The following RASGEF1C variants were observed in gnomAD, a reference collection of about 807,000 sequenced individuals.
RASGEF1C encodes ras-GEF domain-containing family member 1C.
A neutral mutation model predicts 58.1 loss-of-function variants in RASGEF1C; 27 were observed. That is an observed-to-expected ratio of 0.46 (90% confidence interval 0.34 to 0.64). RASGEF1C has a LOEUF of 0.64. Ranked by LOEUF, RASGEF1C falls within the 30% of genes least tolerant of loss-of-function variation. The pLI is 0.01. For missense variants in RASGEF1C, 502 were observed against 605.1 expected (o/e 0.83, Z 1.79); for synonymous variants, 243 against 246.3 (o/e 0.99, Z 0.13).
At chr5:180,105,494 G>A (rs555962998) in intron 12 of RASGEF1C, among the ~76,000 whole-genome samples, 159 of 152,006 alleles carry the variant, frequency 1.0e-3, no homozygotes, top group African/African-American at 3.6e-3. Context: ...CCCGGGAGGC[G>A]GAGGTTGCAG....
intron 1 of RASGEF1C, among the ~76,000 whole-genome samples, chr5:180,153,086 T>C (rs534280128): frequency 6.6e-6 from 1 of 152,230 alleles, no homozygotes; most frequent in South Asian, 2.1e-4. Flanking sequence ...AGTCCTTAAA[T>C]GCCTGGCTCC....
chr5:180,199,963 CAA>C (rs1756352987), intron 1 of RASGEF1C, among the ~76,000 whole-genome samples: 1 of 152,074 alleles, frequency 6.6e-6, no homozygotes, highest in Admixed American at 6.6e-5. Flanking sequence ...GCAAATGTTC[CAA>C]AGTGTTAAAA....
At chr5:180,161,617 G>A (rs1176387032) in intron 1 of RASGEF1C, among the ~76,000 whole-genome samples, 1 of 152,220 alleles carries the variant, frequency 6.6e-6, no homozygotes, top group African/African-American at 2.4e-5. Context: ...GGCGCTGCAG[G>A]ACGCCAGGCC....
At chr5:180,131,160 G>C (rs762302195) in intron 4 of RASGEF1C, among the ~76,000 whole-genome samples, 2 of 152,154 alleles carry the variant, frequency 1.3e-5, no homozygotes, top group Non-Finnish European at 2.9e-5. Flanking sequence ...CAGCCACAGA[G>C]GTCTGTTCAA....
At chr5:180,180,124 G>A (rs1193292662) in intron 1 of RASGEF1C, among the ~76,000 whole-genome samples, 1 of 152,190 alleles carries the variant, frequency 6.6e-6, no homozygotes, top group Admixed American at 6.5e-5. Context: ...GCTCTGGGGG[G>A]AAAGCCAGCA....
chr5:180,105,645 A>G (rs1765864047), intron 12 of RASGEF1C, among the ~76,000 whole-genome samples: 2 of 151,768 alleles, frequency 1.3e-5, no homozygotes, highest in South Asian at 4.1e-4. Flanking sequence ...AGGCTGGTGG[A>G]TCACTTGAGG....
chr5:180,133,885 T>G (rs1176751125), intron 4 of RASGEF1C, among the ~76,000 whole-genome samples: 1 of 152,242 alleles, frequency 6.6e-6, no homozygotes, highest in African/African-American at 2.4e-5. Context: ...AGCCCTCATT[T>G]AGTGAGTGCT....
intron 6 of RASGEF1C, among the ~76,000 whole-genome samples, chr5:180,124,654 A>G (rs1036116377): frequency 2.6e-5 from 4 of 151,636 alleles, no homozygotes; most frequent in South Asian, 2.1e-4. Context: ...GTGAAATCCT[A>G]TCTCTACTAA....
intron 1 of RASGEF1C, among the ~76,000 whole-genome samples, chr5:180,172,024 G>T (rs984528655): frequency 6.6e-6 from 1 of 152,232 alleles, no homozygotes; most frequent in East Asian, 1.9e-4. Flanking sequence ...GCCGACACCC[G>T]CAAGGAATCT....
chr5:180,160,839 G>T (rs941317406), intron 1 of RASGEF1C, among the ~76,000 whole-genome samples: 8 of 152,136 alleles, frequency 5.3e-5, no homozygotes, highest in Non-Finnish European at 1.2e-4. Flanking sequence ...TCCTACAAGT[G>T]CTCGAAGGCA....
rs115720117 is a variant in RASGEF1C at position 180,198,563 on chromosome 5, G to A, written c.-7+10465C>T. 4.9e-3 allele frequency among the ~76,000 whole-genome samples: 746 copies of A among 152,252 alleles called. 9 individuals carry two copies. Among genetic ancestry groups the A allele is most frequent in the African/African-American group, 0.017 (709 of 41,534 alleles). ...GCTCCACAGAGGGTGCCTCCCTCCT[G>A]CATCTTCACATGGGGGAAGGACAAC... On this transcript the variant is annotated intron_variant, in intron 1 of 13. Transcript: ENST00000361132. The surrounding 1 kb of genome is among the most constrained non-coding windows in gnomAD (Gnocchi z 4.5).
At chr5:180,174,418 G>C in intron 1 of RASGEF1C, among the ~76,000 whole-genome samples, 1 of 148,288 alleles carries the variant, frequency 6.7e-6, no homozygotes, top group Non-Finnish European at 1.5e-5. Context: ...GTGTGCGTGC[G>C]TGCATGTGCA....
intron 1 of RASGEF1C, among the ~76,000 whole-genome samples, chr5:180,192,805 C>T (rs899956968): frequency 4.6e-5 from 7 of 150,684 alleles, no homozygotes; most frequent in Middle Eastern, 3.2e-3. Context: ...AGTGCAGTGT[C>T]GCAATCTCGG....
rs529339995 is a variant in RASGEF1C at position 180,135,029 on chromosome 5, C to T, written c.438+1349G>A. ...CAGCCGGCCAGCCAGCACCCCATCC[C>T]GTTTCCGCTGTCCCCACCCCCCCCG... On this transcript the variant is annotated intron_variant, in intron 4 of 13. Coordinates refer to ENST00000361132, the MANE Select transcript of RASGEF1C (RefSeq NM_175062.4). Among the ~76,000 whole-genome samples the T allele has an allele frequency of 1.7e-3, 227 of 134,454 alleles. 1 individual carries two copies. The highest frequency in any genetic ancestry group is 5.6e-3 in the African/African-American group (212 of 37,904). 88.2% of individuals were successfully genotyped at this position (134,454 alleles called of 152,430 possible).
At chr5:180,182,352 T>C (rs900952520) in intron 1 of RASGEF1C, among the ~76,000 whole-genome samples, 1 of 151,944 alleles carries the variant, frequency 6.6e-6, no homozygotes, top group African/African-American at 2.4e-5. Flanking sequence ...CCGCGGACCT[T>C]CACGGTGAGT....
intron 6 of RASGEF1C, among the ~76,000 whole-genome samples, chr5:180,126,589 C>G (rs1300083208): frequency 6.6e-6 from 1 of 152,120 alleles, no homozygotes; most frequent in Non-Finnish European, 1.5e-5. Flanking sequence ...TTCCCTCTAC[C>G]GTTTTCTCTC....
At chr5:180,165,670 C>CAA (rs776185513) in intron 1 of RASGEF1C, among the ~76,000 whole-genome samples, 2 of 68,448 alleles carry the variant, frequency 2.9e-5, no homozygotes, top group African/African-American at 8.9e-5. Flanking sequence ...AACTCTGTCT[C>CAA]AAAAAAAAAA....
chr5:180,160,843 G>A (rs1766929515), intron 1 of RASGEF1C, among the ~76,000 whole-genome samples: 1 of 152,096 alleles, frequency 6.6e-6, no homozygotes, highest in Non-Finnish European at 1.5e-5. Context: ...ACAAGTGCTC[G>A]AAGGCACTTT....
intron 4 of RASGEF1C, among the ~76,000 whole-genome samples, chr5:180,131,071 C>G (rs13185022): frequency 0.98 from 148,430 of 152,122 alleles, 72,511 homozygotes; most frequent in East Asian, 1. Context: ...GTCTCTGGAG[C>G]CCAGGCCACT....
Sources: allele counts gnomAD v4.1 joint callset (sites outside exome capture counted in the v4.1 genomes callset), GRCh38; gene constraint gnomAD v4.1.1; non-coding constraint Gnocchi (gnomAD v3.1); transcripts MANE v1.5; gene names NCBI Gene and HGNC (gene_info 2026-07-23, HGNC 2026-07-21).